Variants in ALDH16A1 observed in about 807,000 individuals in gnomAD.
ALDH16A1 encodes aldehyde dehydrogenase 16 family member A1, also known as aldehyde dehydrogenase family 16 member A1.
A neutral mutation model predicts 96.1 loss-of-function variants in ALDH16A1; 88 were observed. The ratio of observed to expected loss-of-function variants is 0.92; its 90% CI spans 0.77 to 1.09. The LOEUF is 1.09. ALDH16A1 is among the 50% of genes least tolerant of loss of function. The pLI is 0.00. For missense variants in ALDH16A1, 1,250 were observed against 1,112.6 expected, an observed-to-expected ratio of 1.12 and a Z score of -1.76; for synonymous variants, 522 against 496.4, an observed-to-expected ratio of 1.05 and a Z score of -0.69.
rs766049631 is a variant in ALDH16A1, at chr19:49,464,556, C to A, written c.1437+34C>A. The A allele has an allele frequency of 3.1e-6, 5 of 1,613,036 alleles. No individual in the cohort carries two copies. The African/African-American group carries it at 6.7e-5, about 22-fold the overall frequency. ...ATCCCCTCCCCGTCACCAGCCCCCC[C>A]GCCGCCCCATGCCCTTGACACTCGC... On this transcript the variant is annotated intron_variant, in intron 11 of 16. Coordinates refer to ENST00000293350, the MANE Select transcript of ALDH16A1 (RefSeq NM_153329.4).
Position 49,459,933 on chromosome 19 carries a change from A to G in ALDH16A1, c.499+85A>G. 1 of 1,465,266 alleles carries G rather than the reference A, an allele frequency of 6.8e-7. No homozygotes were observed. The highest frequency in any genetic ancestry group is 9.1e-7 in the Non-Finnish European group (1 of 1,097,784). The allele number at this position is 1,465,266 out of a possible 1,614,324, so 90.8% of individuals were successfully genotyped here. A position where few individuals can be genotyped will look rare whatever the true frequency, so the allele number is the denominator to read the frequency against. On this transcript the variant is annotated intron_variant, in intron 4 of 16. Coordinates refer to ENST00000293350, the MANE Select transcript of ALDH16A1 (RefSeq NM_153329.4). The surrounding 1 kb of genome is among the most constrained non-coding windows in gnomAD (Gnocchi z 4.1). ...TCCCCTCATTCTTTTTCTTTTAGAC[A>G]GAGTTTCGCTCTTGTCGCCCAGGCC...
At chr19:49,464,342 G>A (rs566399437) in intron 10 of ALDH16A1, 75 bp from the exon 11 acceptor site, 7 of 1,569,292 alleles carry the variant, frequency 4.5e-6, no homozygotes, top group Admixed American at 1.8e-5. Flanking sequence ...GTCGCTCCCC[G>A]CGCCTTTAAC....
At chr19:49,458,911 A>G (rs1159605318) in intron 2 of ALDH16A1, 49 bp from the exon 3 acceptor site, 1 of 1,586,070 alleles carries the variant, frequency 6.3e-7, no homozygotes. Context: ...CCCTCCAGAT[A>G]TGACATGGGC....
intron 1 of ALDH16A1, among the ~76,000 whole-genome samples, 176 bp from the exon 2 acceptor site, chr19:49,458,310 A>G (rs576779624): frequency 3.9e-5 from 6 of 152,320 alleles, no homozygotes; most frequent in East Asian, 3.9e-4. Context: ...CTGCTGAACT[A>G]TACACTTTGA....
At position 49,470,654 on chromosome 19, in the gene ALDH16A1, T is replaced by TTC; in HGVS notation, c.*188_*189insCT. The TTC allele has an allele frequency of 3.8e-6, 2 of 525,856 alleles. No homozygotes were observed. The highest frequency in any genetic ancestry group is 5.7e-6 in the Non-Finnish European group (2 of 350,134). 32.6% of individuals were successfully genotyped at this position (525,856 alleles called of 1,614,324 possible). A position where few individuals can be genotyped will look rare whatever the true frequency, so the allele number is the denominator to read the frequency against. The stretch of plus-strand genomic sequence containing the variant: ...GCAGATATGAGGCTTTTTTCTTTTT[T>TTC]TTTTTTTTTTTTGAGACAACGTCTG... On this transcript the variant is annotated 3_prime_UTR_variant, in exon 17 of 17. Coordinates refer to ENST00000293350, the MANE Select transcript of ALDH16A1 (RefSeq NM_153329.4).
rs746123884 is a variant in ALDH16A1 at position 49,460,855 on chromosome 19, C to T, written c.533C>T (p.Ser178Phe). The change falls in exon 5 of 17, where the codon TCC (serine) becomes TTC (phenylalanine). Residue 178 changes from serine (S) to phenylalanine (F), a missense_variant. Ser to Phe is a radical substitution (Grantham distance 155, BLOSUM62 -2). Transcript: ENST00000293350. Reference protein sequence around the residue: ...VIGLILPPTFSFLEMMWRICP... With the variant: ...VIGLILPPTFFFLEMMWRICP... The stretch of plus-strand genomic sequence containing the variant: ...GGCCTCATCCTGCCACCCACATTCT[C>T]CTTCCTTGAGATGATGTGGAGGATT... 1.9e-6 allele frequency: 3 copies of T among 1,613,728 alleles called. No individual in the cohort carries two copies. The highest frequency in any genetic ancestry group is 2.5e-6 in the Non-Finnish European group (3 of 1,179,982).
rs766113837 is a variant in ALDH16A1 at position 49,465,718 on chromosome 19, C to T, written c.1569-20C>T. 4.4e-6 allele frequency: 7 copies of T among 1,603,900 alleles called. No homozygotes were observed. The South Asian group carries it at 6.7e-5, about 15-fold the overall frequency. ...AGATTGAGGCCCCAGGACTCCTCCT[C>T]ATGTCCCACCCTACTCCAGCCCAGC... On this transcript the variant is annotated intron_variant, in intron 12 of 16. Coordinates refer to ENST00000293350, the MANE Select transcript of ALDH16A1 (RefSeq NM_153329.4).
In ALDH16A1 at chr19:49,462,696, GCTGCCGCATGTGACCTGGTCCAGC is replaced by G. The variant is rs770371016; in HGVS notation, c.1040_1063del (p.Ala347_Arg355delinsGly). 234 of 1,607,790 alleles carry G rather than the reference GCTGCCGCATGTGACCTGGTCCAGC, an allele frequency of 1.5e-4. No homozygotes were observed. Among genetic ancestry groups the G allele is most frequent in the Non-Finnish European group, 1.9e-4 (229 of 1,178,380 alleles). On this transcript the variant is annotated inframe_deletion, in exon 8 of 17. Transcript: ENST00000293350. ...GGCCGTGGACATGGGGGCCCGGGGG[GCTGCCGCATGTGACCTGGTCCAGC>G]GCTTTGTGCGTGAGGCCCAGAGCCA...
intron 11 of ALDH16A1, 53 bp from the exon 12 acceptor site, chr19:49,464,579 C>T (rs370026616): frequency 1.9e-5 from 30 of 1,613,242 alleles, no homozygotes; most frequent in Non-Finnish European, 2.1e-5. Context: ...CCTTGACACT[C>T]GCATCCGGCC....
chr19:49,468,917 G>A lies in ALDH16A1; in HGVS notation c.2178G>A (p.Arg726=), dbSNP rs1192471237. 2 of 1,613,902 alleles carry A rather than the reference G, an allele frequency of 1.2e-6. No homozygotes were observed. Among genetic ancestry groups the A allele is most frequent in the African/African-American group, 1.3e-5 (1 of 74,906 alleles). ...AGLANVVTGD[R]DHLTRCLALH... ...TGGCCAACGTGGTGACAGGAGACCGGGACCATCTGACCCGCTGCCTGGCCT... is the reference window on the plus strand; with the variant it reads ...TGGCCAACGTGGTGACAGGAGACCGAGACCATCTGACCCGCTGCCTGGCCT... The change falls in exon 16 of 17, where the codon CGG becomes CGA. Residue 726 remains arginine, a synonymous_variant. Transcript: ENST00000293350. This position sits in a 1 kb window ranked among gnomAD's most constrained non-coding sequence, Gnocchi z 4.4.
At position 49,462,692 on chromosome 19, in the gene ALDH16A1, G is replaced by C. The variant is rs746586105; in HGVS notation, c.1035G>C (p.Arg345=). 1 of 1,608,446 alleles carries C rather than the reference G, an allele frequency of 6.2e-7. No individual in the cohort carries two copies. The highest frequency in any genetic ancestry group is 8.5e-7 in the Non-Finnish European group (1 of 1,178,582). Residue 345 remains arginine, a synonymous_variant, in exon 8 of 17, where the codon CGG becomes CGC. Coordinates refer to ENST00000293350, the MANE Select transcript of ALDH16A1 (RefSeq NM_153329.4). ...ATGGGGCCGTGGACATGGGGGCCCG[G>C]GGGGCTGCCGCATGTGACCTGGTCC... ...GLDGAVDMGA[R]GAAACDLVQR... is the part of the protein sequence containing the mutation.
At chr19:49,466,886 A>T (rs2079203904) in intron 14 of ALDH16A1, among the ~76,000 whole-genome samples, 1 of 151,346 alleles carries the variant, frequency 6.6e-6, no homozygotes, top group Non-Finnish European at 1.5e-5. Context: ...AACAAAAAAT[A>T]CCTGGCCAGA....
At chr19:49,460,731 C>A in intron 4 of ALDH16A1, 91 bp from the exon 5 acceptor site, 437 of 668,088 alleles carry the variant, frequency 6.5e-4, no homozygotes, top group Middle Eastern at 9.7e-4. Context: ...TTTTTTTTTC[C>A]TAATGTAGCC....
Position 49,458,971 on chromosome 19 carries a change from G to T in ALDH16A1, c.205G>T (p.Ala69Ser), listed in dbSNP as rs1230179662. 1 of 1,613,002 alleles carries T rather than the reference G, an allele frequency of 6.2e-7. No homozygotes were observed. Among genetic ancestry groups the T allele is most frequent in the Admixed American group, 1.7e-5 (1 of 59,962 alleles). The change falls in exon 3 of 17, where the codon GCC (alanine) becomes TCC (serine). Residue 69 changes from alanine (A) to serine (S), a missense_variant. Physicochemically the swap from Ala to Ser is moderately conservative, Grantham distance 99. Transcript: ENST00000293350. ...ACTTTTCTCCCCAGGAGAGAACTTG[G>T]CCAGTTGCCTGCAGGCACAGGCCGA... Reference protein sequence around the residue: ...CQDPITGENLASCLQAQAEDV... With the variant: ...CQDPITGENLSSCLQAQAEDV...
chr19:49,464,467 C>T lies in ALDH16A1; in HGVS notation c.1382C>T (p.Ser461Leu), dbSNP rs768690823. 23 of 1,612,094 alleles carry T rather than the reference C, an allele frequency of 1.4e-5. No homozygotes were observed. The highest frequency in any genetic ancestry group is 8.4e-5 in the Admixed American group (5 of 59,664). Residue 461 changes from serine (S) to leucine (L), a missense_variant, in exon 11 of 17, where the codon TCG (serine) becomes TTG (leucine). Transcript: ENST00000293350. ...AACGCCCACGGCCTCAGAGACCCTT[C>T]GGTGCCCACAGGCGGCTGCAAGGAG... ...WINAHGLRDP[S>L]VPTGGCKESG...
intron 16 of ALDH16A1, chr19:49,469,203 C>A: frequency 1.8e-6 from 1 of 552,156 alleles, no homozygotes; most frequent in Non-Finnish European, 3.0e-6. Context: ...CCAAAGACCT[C>A]GTCTCAGGGG....
chr19:49,465,270 G>A (rs749704349), intron 12 of ALDH16A1, among the ~76,000 whole-genome samples: 9 of 148,420 alleles, frequency 6.1e-5, no homozygotes, highest in Non-Finnish European at 1.2e-4. Flanking sequence ...TGGGTCCTCC[G>A]GGGCTCATGG....
Position 49,460,876 on chromosome 19 carries a change from G to T in ALDH16A1, c.554G>T (p.Arg185Met). Residue 185 changes from arginine (R) to methionine (M), a missense_variant, in exon 5 of 17, where the codon AGG (arginine) becomes ATG (methionine). Arg to Met is a moderately conservative substitution (Grantham distance 91). Coordinates refer to ENST00000293350, the MANE Select transcript of ALDH16A1 (RefSeq NM_153329.4). ...TTCTCCTTCCTTGAGATGATGTGGA[G>T]GATTTGCCCTGCCCTGGCTGTGGGT... is the stretch of plus-strand genomic sequence containing the variant. ...PTFSFLEMMW[R>M]ICPALAVGCT... 2 of 1,613,726 alleles carry T rather than the reference G, an allele frequency of 1.2e-6. No homozygotes were observed. The highest frequency in any genetic ancestry group is 1.7e-6 in the Non-Finnish European group (2 of 1,179,984).
intron 1 of ALDH16A1, among the ~76,000 whole-genome samples, chr19:49,454,025 T>TTTTTTGG (rs1568645997): frequency 1.8e-5 from 1 of 54,222 alleles, no homozygotes; most frequent in African/African-American, 7.3e-5. Flanking sequence ...GTTGGGTTTT[T>TTTTTTGG]TTTTTGTTTT....
Sources: gnomAD v4.1 joint callset for allele counts (sites outside exome capture counted in the v4.1 genomes callset) on GRCh38, gnomAD v4.1.1 for gene constraint, Gnocchi (gnomAD v3.1) non-coding constraint, MANE v1.5 for transcripts, NCBI Gene and HGNC (gene_info 2026-07-23, HGNC 2026-07-21) for gene names.